Variants in ATP8B2 observed in about 807,000 individuals in gnomAD.
ATP8B2 encodes the protein phospholipid-transporting ATPase ID.
A neutral mutation model predicts 133.4 loss-of-function variants in ATP8B2; 70 were observed. The ratio of observed to expected loss-of-function variants is 0.52; its 90% CI spans 0.43 to 0.64. The LOEUF is 0.64. Ranked by LOEUF, ATP8B2 falls within the 30% of genes least tolerant of loss-of-function variation. The probability of loss-of-function intolerance (pLI) is 0.00; values close to 1 mark genes in which losing one functional copy is unlikely to be tolerated. For missense variants in ATP8B2, 1,101 were observed against 1,535.7 expected (o/e 0.72, Z 4.73); for synonymous variants, 517 against 589.5 (o/e 0.88, Z 1.78).
At chr1:154,337,248 T>A in intron 11 of ATP8B2, 100 bp from the exon 12 acceptor site, 1 of 1,406,556 alleles carries the variant, frequency 7.1e-7, no homozygotes, top group Admixed American at 2.3e-5. Flanking sequence ...CTAGAGCATC[T>A]GAGCTTTTGA....
In ATP8B2 at chr1:154,331,189, C is replaced by T. The variant is rs1685977616; in HGVS notation, c.303+43C>T. The T allele has an allele frequency of 1.3e-6, 2 of 1,556,702 alleles. No homozygotes were observed. The highest frequency in any genetic ancestry group is 1.4e-5 in the African/African-American group (1 of 73,634). ...TTCTATTTTGTCCCAGTCACCCACCCCTACTCCCAGCCCCACCCCCATCTC... is the reference window on the plus strand; with the variant it reads ...TTCTATTTTGTCCCAGTCACCCACCTCTACTCCCAGCCCCACCCCCATCTC... On this transcript the variant is annotated intron_variant, in intron 5 of 27. Coordinates refer to ENST00000368489, the MANE Select transcript of ATP8B2 (RefSeq NM_001370597.1). The surrounding 1 kb of genome is among the most constrained non-coding windows in gnomAD (Gnocchi z 4.8).
rs766162423 is a variant in ATP8B2 at position 154,342,981 on chromosome 1, C to G, written c.1453+20C>G. 9.9e-6 allele frequency: 16 copies of G among 1,612,474 alleles called. 1 individual carries two copies. The South Asian group carries it at 1.1e-4, about 11-fold the overall frequency. On this transcript the variant is annotated intron_variant, in intron 15 of 27. Transcript: ENST00000368489. ...ACGAAGGTGGGCCGAGGAGCCGGCTCGCACTCTCCTGACCTGACTCTGCCC... is the reference window on the plus strand; with the variant it reads ...ACGAAGGTGGGCCGAGGAGCCGGCTGGCACTCTCCTGACCTGACTCTGCCC...
chr1:154,332,899 C>T (rs1245721892), intron 9 of ATP8B2, among the ~76,000 whole-genome samples: 1 of 152,164 alleles, frequency 6.6e-6, no homozygotes, highest in Non-Finnish European at 1.5e-5. Context: ...GACTTTGTGG[C>T]TGATAGCTCC....
At chr1:154,348,269 AT>A in intron 26 of ATP8B2, 138 bp from the exon 27 acceptor site, 1 of 943,506 alleles carries the variant, frequency 1.1e-6, no homozygotes, top group Non-Finnish European at 1.5e-6. Flanking sequence ...GGAGATTTAC[AT>A]TTGGAGGGTG....
rs1686101999 is a variant in ATP8B2 at position 154,334,294 on chromosome 1, G to C, written c.748+29G>C. On this transcript the variant is annotated intron_variant, in intron 10 of 27. Coordinates refer to ENST00000368489, the MANE Select transcript of ATP8B2 (RefSeq NM_001370597.1). The surrounding 1 kb of genome is among the most constrained non-coding windows in gnomAD (Gnocchi z 4.6). ...AGCCTCCTAGCATCCAAAGAAAGAAGGGTAAGAGTGACTCAGCCAGCCCTC... is the reference window on the plus strand; with the variant it reads ...AGCCTCCTAGCATCCAAAGAAAGAACGGTAAGAGTGACTCAGCCAGCCCTC... 6.2e-7 allele frequency: 1 copy of C among 1,609,434 alleles called. No homozygotes were observed. Among genetic ancestry groups the C allele is most frequent in the Admixed American group, 1.7e-5 (1 of 59,868 alleles).
In ATP8B2 at chr1:154,343,462, C is replaced by T. The variant is rs1686454937; in HGVS notation, c.1652C>T (p.Pro551Leu). The T allele has an allele frequency of 1.2e-6, 2 of 1,613,870 alleles. No individual in the cohort carries two copies. Among genetic ancestry groups the T allele is most frequent in the South Asian group, 2.2e-5 (2 of 91,080 alleles). The stretch of plus-strand genomic sequence containing the variant: ...CCTGCCCCATTCATAGTGCGGAATC[C>T]AGAGGGGAAGATCCGACTCTACTGC... ...RKRMSVIVRN[P>L]EGKIRLYCKG... The change falls in exon 17 of 28, where the codon CCA becomes CTA. Residue 551 changes from proline to leucine, a missense_variant. Pro to Leu is a moderately conservative substitution (Grantham distance 98). Coordinates refer to ENST00000368489, the MANE Select transcript of ATP8B2 (RefSeq NM_001370597.1). The surrounding 1 kb of genome is among the most constrained non-coding windows in gnomAD (Gnocchi z 5.8).
At chr1:154,337,715 C>T in intron 12 of ATP8B2, 171 bp downstream of exon 12, 2 of 1,548,256 alleles carry the variant, frequency 1.3e-6, no homozygotes, top group Non-Finnish European at 1.7e-6. Context: ...AACTTTTTAC[C>T]ACAGTTTCCT....
At position 154,345,698 on chromosome 1, in the gene ATP8B2, A is replaced by G; in HGVS notation, c.2695-102A>G. On this transcript the variant is annotated intron_variant, in intron 23 of 27. Coordinates refer to ENST00000368489, the MANE Select transcript of ATP8B2 (RefSeq NM_001370597.1). The surrounding 1 kb of genome is among the most constrained non-coding windows in gnomAD (Gnocchi z 5.6). ...TAAAGGAGGAGAGAAGGAGCCTCAG[A>G]AAATTTCTTAGGGTTCTCTGTATGT... 7.3e-7 allele frequency: 1 copy of G among 1,366,606 alleles called. No homozygotes were observed. Among genetic ancestry groups the G allele is most frequent in the South Asian group, 1.2e-5 (1 of 82,000 alleles). The allele number at this position is 1,366,606 out of a possible 1,614,324, so 84.7% of individuals were successfully genotyped here.
In ATP8B2 at chr1:154,340,958, A is replaced by G; in HGVS notation, c.1139A>G (p.Asn380Ser). 1 of 1,614,050 alleles carries G rather than the reference A, an allele frequency of 6.2e-7. No homozygotes were observed. Among genetic ancestry groups the G allele is most frequent in the Non-Finnish European group, 8.5e-7 (1 of 1,180,000 alleles). ...GCAGAAGCCCGCACCACCACCCTAA[A>G]CGAGGAGCTGGGCCAGGTGGAGTAC... is the stretch of plus-strand genomic sequence containing the variant. ...TPAEARTTTL[N>S]EELGQVEYIF... The change falls in exon 13 of 28, where the codon AAC becomes AGC. Residue 380 changes from asparagine to serine, a missense_variant. By Grantham distance (46) the Asn-to-Ser change is conservative. Transcript: ENST00000368489. The surrounding 1 kb of genome is among the most constrained non-coding windows in gnomAD (Gnocchi z 4.0).
chr1:154,328,979 AC>A lies in ATP8B2; in HGVS notation c.31+809del. The A allele has an allele frequency of 2.3e-6, 3 of 1,303,862 alleles. No individual in the cohort carries two copies. Among genetic ancestry groups the A allele is most frequent in the Non-Finnish European group, 2.0e-6 (2 of 988,804 alleles). 80.8% of individuals were successfully genotyped at this position (1,303,862 alleles called of 1,614,324 possible). ...AGACGGTCTGCCCTCCCCCACTCAA[AC>A]CGGGATCATGACGGTCCCCAAGGAG... On this transcript the variant is annotated intron_variant, in intron 2 of 27. Transcript: ENST00000368489. This position sits in a 1 kb window ranked among gnomAD's most constrained non-coding sequence, Gnocchi z 4.6.
Position 154,346,838 on chromosome 1 carries a change from A to G in ATP8B2, c.3163+80A>G, listed in dbSNP as rs1206761534. Reference sequence around the variant, plus strand: ...AACAGGACCATCAGCTAATCTGCACATTCAACATTTCTTATGTGCCAAGTA... The same window carrying G: ...AACAGGACCATCAGCTAATCTGCACGTTCAACATTTCTTATGTGCCAAGTA... On this transcript the variant is annotated intron_variant, in intron 26 of 27. Coordinates refer to ENST00000368489, the MANE Select transcript of ATP8B2 (RefSeq NM_001370597.1). This position sits in a 1 kb window ranked among gnomAD's most constrained non-coding sequence, Gnocchi z 4.5. The G allele has an allele frequency of 2.1e-5, 31 of 1,461,956 alleles. No individual in the cohort carries two copies. The South Asian group carries it at 3.5e-4, about 17-fold the overall frequency. 90.6% of individuals were successfully genotyped at this position (1,461,956 alleles called of 1,614,324 possible).
intron 26 of ATP8B2, among the ~76,000 whole-genome samples, chr1:154,347,720 T>C (rs1194583): frequency 0.78 from 118,715 of 151,914 alleles, 48,007 homozygotes; most frequent in Non-Finnish European, 0.87. Context: ...GTAGGCGGAT[T>C]ACCTGAGGTT....
rs372538054 is a variant in ATP8B2, at chr1:154,330,941, T to G, written c.204+13T>G. 6.2e-7 allele frequency: 1 copy of G among 1,610,252 alleles called. No homozygotes were observed. Among genetic ancestry groups the G allele is most frequent in the Non-Finnish European group, 8.5e-7 (1 of 1,176,636 alleles). ...CCTCATTCTGCAGGTAGGTGACCCA[T>G]AGTAGATTTTTTGCAGCTCCCCAAA... On this transcript the variant is annotated intron_variant, in intron 4 of 27. Transcript: ENST00000368489.
At position 154,327,925 on chromosome 1, in the gene ATP8B2, G is replaced by A. The variant is rs1285002612; in HGVS notation, c.-37-180G>A. On this transcript the variant is annotated intron_variant, in intron 1 of 27. Transcript: ENST00000368489. ...CAAGGCAGGGGCATGATGGGAGGTG[G>A]TGGGGAAGTCCCCTCTTTCCCAGGA... is the stretch of plus-strand genomic sequence containing the variant. 7 of 1,567,616 alleles carry A rather than the reference G, an allele frequency of 4.5e-6. No individual in the cohort carries two copies. The Admixed American group carries it at 6.7e-5, about 15-fold the overall frequency.
Position 154,343,642 on chromosome 1 carries a change from T to G in ATP8B2, c.1758+74T>G. On this transcript the variant is annotated intron_variant, in intron 17 of 27. Transcript: ENST00000368489. This position sits in a 1 kb window ranked among gnomAD's most constrained non-coding sequence, Gnocchi z 5.8. ...GTGGGGGAGGCGACTTAAGTTTGTT[T>G]TATTGTGTAAATTTAAGGTCTACAA... 1 of 1,397,856 alleles carries G rather than the reference T, an allele frequency of 7.2e-7. No individual in the cohort carries two copies. Among genetic ancestry groups the G allele is most frequent in the Non-Finnish European group, 1.0e-6 (1 of 992,240 alleles). The allele number at this position is 1,397,856 out of a possible 1,614,324, so 86.6% of individuals were successfully genotyped here.
intron 3 of ATP8B2, 102 bp from the exon 4 acceptor site, chr1:154,330,713 G>A (rs916380630): frequency 2.0e-6 from 2 of 1,004,652 alleles, no homozygotes; most frequent in Non-Finnish European, 1.5e-6. Flanking sequence ...GCTAGCTTTT[G>A]GGGTAGAGGT....
chr1:154,331,823 A>G lies in ATP8B2; in HGVS notation c.439-131A>G, dbSNP rs2149161635. ...CCAGGGGCTTCTGTGTCATGCTGATATGCCTGGAACTAGCCATTTATGCAC... is the reference window on the plus strand; with the variant it reads ...CCAGGGGCTTCTGTGTCATGCTGATGTGCCTGGAACTAGCCATTTATGCAC... On this transcript the variant is annotated intron_variant, in intron 7 of 27. Coordinates refer to ENST00000368489, the MANE Select transcript of ATP8B2 (RefSeq NM_001370597.1). This position sits in a 1 kb window ranked among gnomAD's most constrained non-coding sequence, Gnocchi z 4.8. 7.7e-7 allele frequency: 1 copy of G among 1,302,686 alleles called. No individual in the cohort carries two copies. The highest frequency in any genetic ancestry group is 2.3e-5 in the East Asian group (1 of 43,162). The allele number at this position is 1,302,686 out of a possible 1,614,324, so 80.7% of individuals were successfully genotyped here. A position where few individuals can be genotyped will look rare whatever the true frequency, so the allele number is the denominator to read the frequency against.
Position 154,334,136 on chromosome 1 carries a change from A to G in ATP8B2, c.619A>G (p.Lys207Glu). ...GEVICEPPNN[K>E]LDKFSGTLYW... is the part of the protein sequence containing the mutation. ...AGTGATCTGTGAACCTCCCAACAAC[A>G]AACTGGACAAATTCAGCGGAACCCT... The change falls in exon 10 of 28, where the codon AAA becomes GAA. Residue 207 changes from lysine to glutamate, a missense_variant. By Grantham distance (56) the Lys-to-Glu change is moderately conservative. Coordinates refer to ENST00000368489, the MANE Select transcript of ATP8B2 (RefSeq NM_001370597.1). This position sits in a 1 kb window ranked among gnomAD's most constrained non-coding sequence, Gnocchi z 4.6. 1 of 1,614,212 alleles carries G rather than the reference A, an allele frequency of 6.2e-7. No homozygotes were observed. Among genetic ancestry groups the G allele is most frequent in the Non-Finnish European group, 8.5e-7 (1 of 1,180,044 alleles).
Position 154,332,623 on chromosome 1 carries a change from C to G in ATP8B2, c.515C>G (p.Thr172Ser). The change falls in exon 9 of 28, where the codon ACC (threonine) becomes AGC (serine). Residue 172 changes from threonine to serine, a missense_variant. Coordinates refer to ENST00000368489, the MANE Select transcript of ATP8B2 (RefSeq NM_001370597.1). ...CAGAGATACTGTCCTTCCAGCGAGA[C>G]CAACATGAAAGTACGTCAGGCGATT... ...YIETAELDGE[T>S]NMKVRQAIPV... 1.9e-6 allele frequency: 3 copies of G among 1,587,442 alleles called. No homozygotes were observed. In the South Asian group the frequency reaches 3.4e-5, roughly 18 times the overall value.
Sources: gnomAD v4.1 joint callset for allele counts (sites outside exome capture counted in the v4.1 genomes callset) on GRCh38, gnomAD v4.1.1 for gene constraint, Gnocchi (gnomAD v3.1) non-coding constraint, MANE v1.5 for transcripts, NCBI Gene and HGNC (gene_info 2026-07-23, HGNC 2026-07-21) for gene names.